Variants in CTU2 observed in about 807,000 individuals in gnomAD.
CTU2 encodes the protein cytoplasmic tRNA 2-thiolation protein 2.
In CTU2, 80 loss-of-function variants were observed where a neutral mutation model predicts 64.1. The ratio of observed to expected loss-of-function variants is 1.25; its 90% CI spans 1.04 to 1.50. The LOEUF (loss-of-function observed/expected upper bound fraction) is 1.50. CTU2 is among the 40% of genes most tolerant of loss of function. CTU2 has a pLI of 0.00. For synonymous variants in CTU2, 482 were observed against 285.3 expected, an observed-to-expected ratio of 1.69 and a Z score of -6.95; for missense variants, 1,110 against 690.2, an observed-to-expected ratio of 1.61 and a Z score of -6.81.
chr16:88,715,352 TG>T lies in CTU2; in HGVS notation c.*102del. On this transcript the variant is annotated 3_prime_UTR_variant, in exon 15 of 15. Coordinates refer to ENST00000453996, the MANE Select transcript of CTU2 (RefSeq NM_001012759.3). ...GGGGACTGGCCTCTGATTGTCCATT[TG>T]TATAAATAAAACATTTTTTAATTAA... The T allele has an allele frequency of 7.1e-6, 9 of 1,267,266 alleles. No individual in the cohort carries two copies. Among genetic ancestry groups the T allele is most frequent in the African/African-American group, 3.0e-5 (2 of 66,180 alleles). 78.5% of individuals were successfully genotyped at this position (1,267,266 alleles called of 1,614,324 possible).
rs1009930029 is a variant in CTU2, at chr16:88,714,630, C to T, written c.1245C>T (p.Ser415=). 1 of 1,612,614 alleles carries T rather than the reference C, an allele frequency of 6.2e-7. No individual in the cohort carries two copies. Among genetic ancestry groups the T allele is most frequent in the Non-Finnish European group, 8.5e-7 (1 of 1,179,882 alleles). ...GGGCTCAGACCTCCTCGCGTCTCTC[C>T]CAGATGCAGTCACCCATCCCCCTGA... ...AFGAQTSSRL[S]QMQSPIPLTE... The change falls in exon 12 of 15, where the codon TCC becomes TCT. Residue 415 remains serine, a synonymous_variant. Transcript: ENST00000453996.
intron 2 of CTU2, among the ~76,000 whole-genome samples, chr16:88,707,972 G>T (rs1302850398): frequency 2.0e-5 from 3 of 152,098 alleles, no homozygotes; most frequent in East Asian, 1.9e-4. Context: ...CATCATGCCC[G>T]GCCAATTGTT....
rs368079417 is a variant in CTU2 at position 88,715,096 on chromosome 16, C to T, written c.1468C>T (p.Arg490Cys). The change falls in exon 14 of 15, where the codon CGC becomes TGC. Residue 490 changes from arginine (R) to cysteine (C), a missense_variant. Physicochemically the swap from Arg to Cys is radical, Grantham distance 180. Transcript: ENST00000453996. ...PPYILAEAQL[R>C]TQRAWGLQEI... Reference sequence around the variant, plus strand: ...GTACATCCTGGCTGAGGCCCAGCTCCGCACACAGAGGTACTGGGGCCCACA... The same window carrying T: ...GTACATCCTGGCTGAGGCCCAGCTCTGCACACAGAGGTACTGGGGCCCACA... 1.2e-4 allele frequency: 189 copies of T among 1,584,152 alleles called. No individual in the cohort carries two copies. Among genetic ancestry groups the T allele is most frequent in the Admixed American group, 3.4e-4 (20 of 58,046 alleles).
rs772279438 is a variant in CTU2, at chr16:88,714,742, G to A, written c.1352+5G>A. On this transcript the variant is annotated splice_donor_5th_base_variant and intron_variant, in intron 12 of 14. Transcript: ENST00000453996. ...TGGCCAGGGGGCCTGCAGGAGGTGA[G>A]TCCCTGTCCCTGCCACCCATGGCCA... The A allele has an allele frequency of 1.3e-5, 21 of 1,605,746 alleles. No individual in the cohort carries two copies. The highest frequency in any genetic ancestry group is 2.2e-5 in the East Asian group (1 of 44,660).
At chr16:88,711,720 A>C (rs752990339) in intron 5 of CTU2, 25 bp downstream of exon 5, 13 of 1,597,952 alleles carry the variant, frequency 8.1e-6, no homozygotes, top group Non-Finnish European at 1.1e-5. Flanking sequence ...TGCTCCTCCT[A>C]GTCCCTGGCC....
chr16:88,714,081 C>T, intron 9 of CTU2, 55 bp from the exon 10 acceptor site: 2 of 1,553,998 alleles, frequency 1.3e-6, no homozygotes, highest in East Asian at 2.3e-5. Context: ...GACTCTGCCC[C>T]AGCCTGGGGC....
chr16:88,714,013 G>T, intron 9 of CTU2, 123 bp from the exon 10 acceptor site: 2 of 1,108,308 alleles, frequency 1.8e-6, no homozygotes, highest in South Asian at 1.4e-5. Flanking sequence ...TTGAGCAGTC[G>T]CAGCAAAGCC....
chr16:88,711,525 C>G, intron 4 of CTU2, 110 bp from the exon 5 acceptor site: 6 of 1,109,472 alleles, frequency 5.4e-6, no homozygotes, highest in South Asian at 5.3e-5. Context: ...CAGGGGAAGA[C>G]CACTTCACCT....
chr16:88,714,797 T>G (rs1911779917), intron 12 of CTU2, 60 bp downstream of exon 12: 2 of 1,610,124 alleles, frequency 1.2e-6, no homozygotes, highest in African/African-American at 2.7e-5. Context: ...GGACCTGTCC[T>G]TACCCCACAC....
chr16:88,708,093 C>T (rs996526606), intron 2 of CTU2, among the ~76,000 whole-genome samples: 3 of 152,200 alleles, frequency 2.0e-5, no homozygotes, highest in African/African-American at 7.2e-5. Context: ...GGATTACAGG[C>T]ATGAGCCACC....
At chr16:88,713,856 G>A in intron 9 of CTU2, 78 bp downstream of exon 9, 1 of 1,574,742 alleles carries the variant, frequency 6.4e-7, no homozygotes, top group East Asian at 2.2e-5. Context: ...CCTCTCACAG[G>A]CTCAGGTCAC....
At chr16:88,712,131 A>G in intron 5 of CTU2, 143 bp from the exon 6 acceptor site, 2 of 762,402 alleles carry the variant, frequency 2.6e-6, no homozygotes, top group Middle Eastern at 2.2e-4. Context: ...CCAAAGGAAA[A>G]TGGCCGACAC....
chr16:88,707,790 T>C (rs1911000502), intron 2 of CTU2, among the ~76,000 whole-genome samples: 1 of 114,834 alleles, frequency 8.7e-6, no homozygotes, highest in East Asian at 2.6e-4. Context: ...TGGTGGTGCG[T>C]GGTTTTTTTG....
chr16:88,714,038 C>T (rs1315025366), intron 9 of CTU2, 98 bp from the exon 10 acceptor site: 1 of 1,246,898 alleles, frequency 8.0e-7, no homozygotes, highest in African/African-American at 1.5e-5. Flanking sequence ...CCATGTGGGC[C>T]AGCAGCGTGG....
chr16:88,708,934 C>T (rs528378703), intron 2 of CTU2: 2 of 152,304 alleles, frequency 1.3e-5, no homozygotes, highest in East Asian at 3.9e-4. Context: ...GGGCCAAGAA[C>T]CCCTGACGTA....
chr16:88,707,235 C>T, intron 2 of CTU2, 25 bp downstream of exon 2: 1 of 1,609,648 alleles, frequency 6.2e-7, no homozygotes, highest in Non-Finnish European at 8.5e-7. Flanking sequence ...TGGCTGAGAC[C>T]CTGGCAAACA....
chr16:88,709,981 C>G lies in CTU2; in HGVS notation c.187C>G (p.Leu63Val), dbSNP rs1033715743. The G allele has an allele frequency of 1.9e-6, 3 of 1,613,826 alleles. No homozygotes were observed. Among genetic ancestry groups the G allele is most frequent in the Non-Finnish European group, 2.5e-6 (3 of 1,180,010 alleles). The change falls in exon 3 of 15, where the codon CTG becomes GTG. Residue 63 changes from leucine to valine, a missense_variant. Coordinates refer to ENST00000453996, the MANE Select transcript of CTU2 (RefSeq NM_001012759.3). ...CTACGTCCACAAGTTCAGAGCCATG[C>G]TGGGCAAGAACCGGCTCATCTTTCC... ...AFYVHKFRAM[L>V]GKNRLIFPGE...
intron 6 of CTU2, 21 bp from the exon 7 acceptor site, chr16:88,712,601 G>C (rs753359739): frequency 6.2e-7 from 1 of 1,604,140 alleles, no homozygotes; most frequent in South Asian, 1.1e-5. Flanking sequence ...GGCCTCACTG[G>C]CGTCTCCCTC....
In CTU2 at chr16:88,706,704, G is replaced by C. The variant is rs1223060436; in HGVS notation, c.68+106G>C. ...TGCTCCGGGAAGCCCCGCGTGGAGA[G>C]CGGGACCTCGCTCCCTAGCACTCGG... On this transcript the variant is annotated intron_variant, in intron 1 of 14. Coordinates refer to ENST00000453996, the MANE Select transcript of CTU2 (RefSeq NM_001012759.3). 5 of 800,380 alleles carry C rather than the reference G, an allele frequency of 6.2e-6. No homozygotes were observed. The Admixed American group carries it at 2.0e-4, about 32-fold the overall frequency. The allele number at this position is 800,380 out of a possible 1,614,324, so 49.6% of individuals were successfully genotyped here.
Sources: gnomAD v4.1 joint callset for allele counts (sites outside exome capture counted in the v4.1 genomes callset) on GRCh38, gnomAD v4.1.1 for gene constraint, MANE v1.5 for transcripts, NCBI Gene and HGNC (gene_info 2026-07-23, HGNC 2026-07-21) for gene names.